The following TTC7B variants were observed in gnomAD, a reference collection of about 807,000 sequenced individuals.
TTC7B encodes tetratricopeptide repeat domain 7B, also known as tetratricopeptide repeat protein 7B.
A neutral mutation model predicts 106.8 loss-of-function variants in TTC7B; 28 were observed. That is an observed-to-expected ratio of 0.26 (90% CI 0.19 to 0.36). The LOEUF is 0.36. Ranked by LOEUF, TTC7B falls within the 10% of genes least tolerant of loss-of-function variation. The pLI is 1.00. For synonymous variants in TTC7B, 405 were observed against 430.6 expected, an observed-to-expected ratio of 0.94 and a Z score of 0.74; for missense variants, 862 against 1,076.4, an observed-to-expected ratio of 0.80 and a Z score of 2.79.
rs571175548 is a variant in TTC7B, at chr14:90,807,700, T to A, written c.121+8475A>T. Among the ~76,000 whole-genome samples the A allele has an allele frequency of 3.3e-5, 5 of 152,226 alleles. No homozygotes were observed. The East Asian group carries it at 9.6e-4, about 29-fold the overall frequency. On this transcript the variant is annotated intron_variant, in intron 1 of 19. Coordinates refer to ENST00000328459, the MANE Select transcript of TTC7B (RefSeq NM_001010854.2). This position sits in a 1 kb window ranked among gnomAD's most constrained non-coding sequence, Gnocchi z 4.1. ...CCCACACTTGCCTACTCAAACTAAC[T>A]GAGGCTGTTTACAAATGTAGATTTC... is the stretch of plus-strand genomic sequence containing the variant.
intron 17 of TTC7B, among the ~76,000 whole-genome samples, chr14:90,599,995 C>T (rs1186644543): frequency 1.3e-5 from 2 of 152,124 alleles, no homozygotes; most frequent in African/African-American, 4.8e-5. Flanking sequence ...ACACTGCAGA[C>T]TGCTGGCAGC....
At chr14:90,799,079 C>T (rs1247708938) in intron 1 of TTC7B, among the ~76,000 whole-genome samples, 1 of 152,110 alleles carries the variant, frequency 6.6e-6, no homozygotes, top group Non-Finnish European at 1.5e-5. Context: ...CGATCACTAC[C>T]GAGAGCCCAT....
At chr14:90,727,241 C>G (rs1424159967) in intron 5 of TTC7B, among the ~76,000 whole-genome samples, 2 of 152,150 alleles carry the variant, frequency 1.3e-5, no homozygotes, top group African/African-American at 4.8e-5. Context: ...GGGTCAAGTG[C>G]TCCCTCACAG....
rs574258901 is a variant in TTC7B, at chr14:90,730,094, C to T, written c.679G>A (p.Val227Ile). Residue 227 changes from valine (V) to isoleucine (I), a missense_variant, in exon 5 of 20, where the codon GTC becomes ATC. Physicochemically the swap from Val to Ile is conservative, Grantham distance 29. Transcript: ENST00000328459. ...FLETGLQRAHVLYFKNGNLTR... is the reference protein window; with the variant it reads ...FLETGLQRAHILYFKNGNLTR... ...GCTTACCCATTTTTGAAATAGAGGA[C>T]ATGGGCTCTCTGAAGTCCTGTTTCT... is the stretch of plus-strand genomic sequence containing the variant. 1.2e-6 allele frequency: 2 copies of T among 1,612,782 alleles called. No individual in the cohort carries two copies. Among genetic ancestry groups the T allele is most frequent in the South Asian group, 2.2e-5 (2 of 90,818 alleles).
chr14:90,698,755 C>T (rs559406172), intron 5 of TTC7B: 175 of 157,682 alleles, frequency 1.1e-3, no homozygotes, highest in Non-Finnish European at 1.9e-3. Flanking sequence ...TGCAGGTCCC[C>T]GGAGCACCAG....
intron 3 of TTC7B, among the ~76,000 whole-genome samples, chr14:90,751,294 C>G (rs893067918): frequency 5.9e-5 from 9 of 152,202 alleles, no homozygotes; most frequent in African/African-American, 1.9e-4. Context: ...ATTTAAAGAA[C>G]AATGAATTGC....
intron 5 of TTC7B, among the ~76,000 whole-genome samples, chr14:90,708,153 A>AT (rs1311978589): frequency 1.3e-5 from 2 of 151,256 alleles, no homozygotes; most frequent in African/African-American, 4.9e-5. Flanking sequence ...CTCAAAAAAA[A>AT]AAAAAAAAAA....
chr14:90,703,921 G>C (rs1888100898), intron 5 of TTC7B, among the ~76,000 whole-genome samples: 1 of 152,188 alleles, frequency 6.6e-6, no homozygotes, highest in Non-Finnish European at 1.5e-5. Flanking sequence ...GCTGGGGAGA[G>C]AAGACAAAAA....
chr14:90,683,132 G>A (rs369202067), intron 7 of TTC7B, among the ~76,000 whole-genome samples: 6 of 152,180 alleles, frequency 3.9e-5, no homozygotes, highest in Non-Finnish European at 7.4e-5. Flanking sequence ...TTCTGTCATC[G>A]TTAGCCATTA....
chr14:90,761,444 C>T (rs746752167), intron 3 of TTC7B, among the ~76,000 whole-genome samples: 2 of 152,252 alleles, frequency 1.3e-5, no homozygotes, highest in Non-Finnish European at 2.9e-5. Context: ...AGACCATTTT[C>T]CACACCCCTA....
At position 90,600,076 on chromosome 14, in the gene TTC7B, AG is replaced by A. The variant is rs200216294; in HGVS notation, c.1967-6451del. 6.6e-6 allele frequency among the ~76,000 whole-genome samples: 1 copy of A among 152,248 alleles called. No individual in the cohort carries two copies. The highest frequency in any genetic ancestry group is 1.9e-4 in the East Asian group (1 of 5,186). ...GAATGTCCTGGGGGCTGAGGACGGG[AG>A]GAGGCGAAGGAGTTAGTGTTGACTG... On this transcript the variant is annotated intron_variant, in intron 17 of 19. Transcript: ENST00000328459. This position sits in a 1 kb window ranked among gnomAD's most constrained non-coding sequence, Gnocchi z 4.3.
rs113812112 is a variant in TTC7B at position 90,657,704 on chromosome 14, C to T, written c.1237-426G>A. 242 of 215,446 alleles carry T rather than the reference C, an allele frequency of 1.1e-3. No homozygotes were observed. Among genetic ancestry groups the T allele is most frequent in the African/African-American group, 5.1e-3 (222 of 43,206 alleles). The allele number at this position is 215,446 out of a possible 1,614,324, so 13.3% of individuals were successfully genotyped here. ...AAATTAGCAAGAAAAACAATAGCTA[C>T]GACCTCTGTTGAGTGTATACACAGC... On this transcript the variant is annotated intron_variant, in intron 10 of 19. Transcript: ENST00000328459. The surrounding 1 kb of genome is among the most constrained non-coding windows in gnomAD (Gnocchi z 4.2).
At chr14:90,588,143 G>T (rs111359415) in intron 18 of TTC7B, among the ~76,000 whole-genome samples, 4 of 152,158 alleles carry the variant, frequency 2.6e-5, no homozygotes, top group African/African-American at 9.7e-5. Context: ...ATCTCGTCAC[G>T]AATGGGGCAA....
In TTC7B at chr14:90,577,983, TG is replaced by T; in HGVS notation, c.2310+122del. 8.1e-7 allele frequency: 1 copy of T among 1,234,388 alleles called. No homozygotes were observed. Among genetic ancestry groups the T allele is most frequent in the Non-Finnish European group, 1.1e-6 (1 of 888,226 alleles). 76.5% of individuals were successfully genotyped at this position (1,234,388 alleles called of 1,614,324 possible). On this transcript the variant is annotated intron_variant, in intron 19 of 19. Transcript: ENST00000328459. This position sits in a 1 kb window ranked among gnomAD's most constrained non-coding sequence, Gnocchi z 5.0. ...TCTGGCTTCAGGCCATGTGACAGCC[TG>T]GCAAGCTAACTGCATGGGGCCTTTG...
At chr14:90,769,860 A>C (rs1180151437) in intron 3 of TTC7B, among the ~76,000 whole-genome samples, 1 of 152,224 alleles carries the variant, frequency 6.6e-6, no homozygotes, top group African/African-American at 2.4e-5. Flanking sequence ...CTTTAAATTA[A>C]AAAAGGCGTT....
At chr14:90,620,049 G>A (rs1893244930) in intron 15 of TTC7B, among the ~76,000 whole-genome samples, 1 of 152,068 alleles carries the variant, frequency 6.6e-6, no homozygotes, top group Admixed American at 6.6e-5. Context: ...GCTCAGGATG[G>A]GTTCACACCA....
intron 13 of TTC7B, among the ~76,000 whole-genome samples, chr14:90,652,238 T>C (rs1446052758): frequency 1.3e-5 from 2 of 152,130 alleles, no homozygotes; most frequent in African/African-American, 4.8e-5. Flanking sequence ...TCTTCCTCAC[T>C]TGTGTGTGGT....
intron 17 of TTC7B, among the ~76,000 whole-genome samples, chr14:90,599,118 G>C (rs962550460): frequency 6.6e-6 from 1 of 152,080 alleles, no homozygotes; most frequent in Non-Finnish European, 1.5e-5. Context: ...ACTCCAGCCT[G>C]GGTGACAGAG....
Position 90,644,150 on chromosome 14 carries a change from T to G in TTC7B, c.1649A>C (p.Asn550Thr). The G allele has an allele frequency of 1.2e-6, 2 of 1,613,426 alleles. No individual in the cohort carries two copies. Among genetic ancestry groups the G allele is most frequent in the Non-Finnish European group, 1.7e-6 (2 of 1,179,810 alleles). The change falls in exon 15 of 20, where the codon AAC becomes ACC. Residue 550 changes from asparagine (N) to threonine (T), a missense_variant. Physicochemically the swap from Asn to Thr is moderately conservative, Grantham distance 65. Coordinates refer to ENST00000328459, the MANE Select transcript of TTC7B (RefSeq NM_001010854.2). ...QALQLQGDDA[N>T]SLHLLALLLS... ...CAGGAGGGCAAGGAGGTGCAGGGAG[T>G]TGGCATCGTCACCTTGAAGCTGAAG...
Sources: allele counts gnomAD v4.1 joint callset (sites outside exome capture counted in the v4.1 genomes callset), GRCh38; gene constraint gnomAD v4.1.1; non-coding constraint Gnocchi (gnomAD v3.1); transcripts MANE v1.5; gene names NCBI Gene and HGNC (gene_info 2026-07-23, HGNC 2026-07-21).